The following SLC30A9 variants were observed in gnomAD, a reference collection of about 807,000 sequenced individuals.
SLC30A9 encodes proton-coupled zinc antiporter SLC30A9, mitochondrial.
In SLC30A9, 58 loss-of-function variants were observed where a neutral mutation model predicts 87.5. The ratio of observed to expected loss-of-function variants is 0.66; its 90% CI spans 0.54 to 0.82. The LOEUF (loss-of-function observed/expected upper bound fraction) is 0.82, where lower values mean the gene tolerates loss of function less well. SLC30A9 is among the 40% of genes least tolerant of loss of function. SLC30A9 has a pLI of 0.00. For synonymous variants in SLC30A9, 234 were observed against 233.0 expected, an observed-to-expected ratio of 1.00 and a Z score of -0.04; for missense variants, 557 against 679.1, an observed-to-expected ratio of 0.82 and a Z score of 2.00.
At chr4:42,043,545 G>A (rs1317162818) in intron 8 of SLC30A9, among the ~76,000 whole-genome samples, 2 of 152,176 alleles carry the variant, frequency 1.3e-5, no homozygotes, top group South Asian at 4.2e-4. Flanking sequence ...AATGAACAAA[G>A]CCTGCAAGAA....
At chr4:42,078,397 C>A in intron 17 of SLC30A9, 72 bp downstream of exon 17, 2 of 744,218 alleles carry the variant, frequency 2.7e-6, no homozygotes, top group South Asian at 1.6e-5. Flanking sequence ...CTACAGCAGA[C>A]ACTAAGTGCA....
At chr4:42,001,802 T>G (rs1714997719) in intron 2 of SLC30A9, 22 bp downstream of exon 2, 8 of 1,562,686 alleles carry the variant, frequency 5.1e-6, no homozygotes, top group Non-Finnish European at 7.0e-6. Context: ...TTTTTTAATG[T>G]ACTTTTTTCT....
chr4:42,034,259 CT>C (rs1716582523), intron 6 of SLC30A9, among the ~76,000 whole-genome samples: 1 of 152,076 alleles, frequency 6.6e-6, no homozygotes, highest in Non-Finnish European at 1.5e-5. Flanking sequence ...TTCCTGCCTC[CT>C]TTTTTATTGT....
At chr4:42,002,307 CATG>C (rs1010323297) in intron 2 of SLC30A9, among the ~76,000 whole-genome samples, 9 of 151,870 alleles carry the variant, frequency 5.9e-5, no homozygotes, top group African/African-American at 2.2e-4. Context: ...CAGGAGGGTA[CATG>C]TGAGGGTTTG....
chr4:42,009,375 A>G (rs1216244710), intron 2 of SLC30A9, among the ~76,000 whole-genome samples: 5 of 152,256 alleles, frequency 3.3e-5, no homozygotes, highest in African/African-American at 4.8e-5. Flanking sequence ...TTCAAATCAC[A>G]TGATAAAGTC....
chr4:42,055,296 C>T (rs1389642580), intron 9 of SLC30A9, among the ~76,000 whole-genome samples: 1 of 152,064 alleles, frequency 6.6e-6, no homozygotes, highest in African/African-American at 2.4e-5. Context: ...TATTTTTATG[C>T]CATATGTTTT....
At chr4:42,016,193 A>G (rs1366269821) in intron 2 of SLC30A9, among the ~76,000 whole-genome samples, 1 of 152,222 alleles carries the variant, frequency 6.6e-6, no homozygotes, top group Non-Finnish European at 1.5e-5. Context: ...AGTACATGGC[A>G]CATGTTAAAT....
chr4:42,030,181 G>A (rs1231163848), intron 6 of SLC30A9: 7 of 605,236 alleles, frequency 1.2e-5, no homozygotes, highest in African/African-American at 3.8e-5. Context: ...AGATACAAAA[G>A]CCTGTTAGTC....
At chr4:42,081,856 A>C (rs1399378547) in intron 17 of SLC30A9, among the ~76,000 whole-genome samples, 1 of 152,174 alleles carries the variant, frequency 6.6e-6, no homozygotes, top group African/African-American at 2.4e-5. Context: ...TGAATTATGT[A>C]AGTCTTTCAA....
intron 8 of SLC30A9, among the ~76,000 whole-genome samples, chr4:42,040,225 C>T (rs1254764191): frequency 6.6e-6 from 1 of 152,042 alleles, no homozygotes; most frequent in Non-Finnish European, 1.5e-5. Flanking sequence ...GTTTAGGGCA[C>T]CCAGGTGGAG....
At chr4:42,015,455 G>A (rs1249462908) in intron 2 of SLC30A9, among the ~76,000 whole-genome samples, 1 of 152,154 alleles carries the variant, frequency 6.6e-6, no homozygotes, top group Non-Finnish European at 1.5e-5. Context: ...ATGTACCACA[G>A]TTAAGTAGTC....
chr4:42,088,789 G>A lies in SLC30A9; in HGVS notation c.*2663G>A, dbSNP rs1399007888. The A allele has an allele frequency of 3.3e-5, 5 of 152,238 alleles. No homozygotes were observed. The highest frequency in any genetic ancestry group is 1.2e-4 in the African/African-American group (5 of 41,542). The allele number at this position is 152,238 out of a possible 1,614,324, so 9.4% of individuals were successfully genotyped here. Reference sequence around the variant, plus strand: ...ATTACAATTCGACATGAGATTTGGTGGGGACAAAGATCCAAAGCATATCAG... The same window carrying A: ...ATTACAATTCGACATGAGATTTGGTAGGGACAAAGATCCAAAGCATATCAG... On this transcript the variant is annotated 3_prime_UTR_variant, in exon 18 of 18. Transcript: ENST00000264451.
At chr4:42,020,600 C>G (rs991663511) in intron 4 of SLC30A9, 85 bp downstream of exon 4, 3 of 670,672 alleles carry the variant, frequency 4.5e-6, no homozygotes, top group South Asian at 4.7e-5. Context: ...TACCTGCTAC[C>G]ATCCATATAT....
intron 2 of SLC30A9, among the ~76,000 whole-genome samples, chr4:42,005,773 A>G (rs921701120): frequency 3.9e-5 from 6 of 152,226 alleles, no homozygotes; most frequent in African/African-American, 1.4e-4. Flanking sequence ...CTTGGGGTAC[A>G]ATAAAAGGAA....
intron 15 of SLC30A9, 74 bp from the exon 16 acceptor site, chr4:42,075,583 G>A: frequency 1.5e-6 from 2 of 1,358,718 alleles, no homozygotes; most frequent in Non-Finnish European, 2.1e-6. Flanking sequence ...AATAATTCAA[G>A]CCTTTGTGCT....
chr4:42,005,721 A>G (rs1328320478), intron 2 of SLC30A9, among the ~76,000 whole-genome samples: 1 of 152,180 alleles, frequency 6.6e-6, no homozygotes, highest in Admixed American at 6.5e-5. Flanking sequence ...GCCTTTTCGT[A>G]TCATTTTTTG....
intron 9 of SLC30A9, among the ~76,000 whole-genome samples, chr4:42,053,712 A>AC (rs1481492440): frequency 6.6e-6 from 1 of 150,936 alleles, no homozygotes; most frequent in Non-Finnish European, 1.5e-5. Flanking sequence ...AAAAAAAAAA[A>AC]AAAAAAAAAA....
intron 2 of SLC30A9, among the ~76,000 whole-genome samples, chr4:42,010,684 A>G (rs1715401945): frequency 1.3e-5 from 2 of 152,222 alleles, no homozygotes; most frequent in African/African-American, 4.8e-5. Context: ...AGGTAACTCA[A>G]TGGATAGGCA....
At chr4:42,075,020 AATATATATATATATATATATATAT>A (rs546717558) in intron 15 of SLC30A9, among the ~76,000 whole-genome samples, 16 of 29,318 alleles carry the variant, frequency 5.5e-4, no homozygotes, top group Non-Finnish European at 7.5e-4. Flanking sequence ...AGAGTTAATG[AATATATATATATATATATATATAT>A]ATATATATAT....
Sources: gnomAD v4.1 joint callset for allele counts (sites outside exome capture counted in the v4.1 genomes callset) on GRCh38, gnomAD v4.1.1 for gene constraint, MANE v1.5 for transcripts, NCBI Gene and HGNC (gene_info 2026-07-23, HGNC 2026-07-21) for gene names.